The following EIF3E variants were observed in gnomAD, a reference collection of about 807,000 sequenced individuals.
EIF3E encodes the protein eukaryotic translation initiation factor 3 subunit E, also known as eIF-3 p48.
Under a neutral mutation model 59.3 loss-of-function variants are expected in EIF3E, and 25 were observed. The ratio of observed to expected loss-of-function variants is 0.42; its 90% confidence interval spans 0.31 to 0.59. The LOEUF (loss-of-function observed/expected upper bound fraction) is 0.59, where lower values mean the gene tolerates loss of function less well. Among genes scored for constraint, EIF3E ranks in the 20% least tolerant of loss-of-function variants. The pLI is 0.15. For missense variants in EIF3E, 317 were observed against 534.3 expected, an observed-to-expected ratio of 0.59 and a Z score of 4.01; for synonymous variants, 176 against 170.2, an observed-to-expected ratio of 1.03 and a Z score of -0.26.
intron 1 of EIF3E, among the ~76,000 whole-genome samples, chr8:108,245,338 G>C (rs1027114176): frequency 5.9e-5 from 9 of 152,030 alleles, no homozygotes; most frequent in Non-Finnish European, 8.8e-5. Flanking sequence ...ACATGGTGGC[G>C]CACACCTGTA....
intron 10 of EIF3E, among the ~76,000 whole-genome samples, chr8:108,211,375 G>A (rs527911189): frequency 6.6e-6 from 1 of 152,126 alleles, no homozygotes; most frequent in Non-Finnish European, 1.5e-5. Flanking sequence ...TCATATGTCT[G>A]TTGGCTGCAT....
rs78948636 is a variant in EIF3E, at chr8:108,217,604, G to C, written c.723-144C>G. The C allele has an allele frequency of 2.8e-3, 1,703 of 616,026 alleles. 39 individuals are homozygous for C. In the African/African-American group the frequency reaches 0.03, roughly 11 times the overall value. 38.2% of individuals were successfully genotyped at this position (616,026 alleles called of 1,614,324 possible). On this transcript the variant is annotated intron_variant, in intron 7 of 12. Coordinates refer to ENST00000220849, the MANE Select transcript of EIF3E (RefSeq NM_001568.3). The stretch of plus-strand genomic sequence containing the variant: ...AGTATTATAAGAAAATCTCCTCCAA[G>C]GAAATTTAAAAACAGAATCCAGTTT...
chr8:108,217,910 C>T (rs1054280829), intron 7 of EIF3E, among the ~76,000 whole-genome samples: 2 of 151,960 alleles, frequency 1.3e-5, no homozygotes, highest in Non-Finnish European at 1.5e-5. Flanking sequence ...CTGGAAGCAA[C>T]GGGGAAGGAA....
chr8:108,240,144 G>A, intron 2 of EIF3E, 69 bp from the exon 3 acceptor site: 3 of 1,296,424 alleles, frequency 2.3e-6, no homozygotes, highest in Non-Finnish European at 3.4e-6. Context: ...TCATGAGAAT[G>A]TCTGGAAATT....
intron 7 of EIF3E, among the ~76,000 whole-genome samples, chr8:108,221,185 G>A (rs1172089678): frequency 6.6e-6 from 1 of 152,142 alleles, no homozygotes; most frequent in Admixed American, 6.5e-5. Context: ...TTTTAGAGCA[G>A]GGTCTCATTC....
intron 1 of EIF3E, among the ~76,000 whole-genome samples, chr8:108,246,522 GT>G (rs1391811187): frequency 2.6e-4 from 40 of 152,106 alleles, no homozygotes; most frequent in African/African-American, 9.2e-4. Context: ...AGATGTCTGG[GT>G]TTTATCTTGG....
chr8:108,242,230 G>T, intron 1 of EIF3E: 1 of 1,300,840 alleles, frequency 7.7e-7, no homozygotes, highest in Non-Finnish European at 1.0e-6. Flanking sequence ...GCAAGGCTGT[G>T]TATAAATAAA....
chr8:108,216,271 C>T, intron 9 of EIF3E, 141 bp downstream of exon 9: 1 of 610,682 alleles, frequency 1.6e-6, no homozygotes, highest in Non-Finnish European at 2.8e-6. Flanking sequence ...TAAACATGAG[C>T]CATTTAGGCC....
chr8:108,215,452 A>C (rs1263542879), intron 9 of EIF3E, among the ~76,000 whole-genome samples: 1 of 151,984 alleles, frequency 6.6e-6, no homozygotes, highest in Non-Finnish European at 1.5e-5. Flanking sequence ...CCCTGTCTCT[A>C]CTAAAAATAC....
intron 4 of EIF3E, among the ~76,000 whole-genome samples, chr8:108,235,462 C>T (rs615524): frequency 0.18 from 27,849 of 152,190 alleles, 2,860 homozygotes; most frequent in Middle Eastern, 0.23. Context: ...GTTCGTGCTC[C>T]TATGAAAATC....
chr8:108,215,017 A>G (rs1399128636), intron 9 of EIF3E, among the ~76,000 whole-genome samples: 1 of 152,222 alleles, frequency 6.6e-6, no homozygotes, highest in Non-Finnish European at 1.5e-5. Flanking sequence ...TATCTCTTCC[A>G]ACTATTTAAA....
At chr8:108,217,079 T>G (rs1046580828) in intron 8 of EIF3E, among the ~76,000 whole-genome samples, 2 of 152,112 alleles carry the variant, frequency 1.3e-5, no homozygotes, top group Non-Finnish European at 2.9e-5. Flanking sequence ...GAGAAACACA[T>G]ACACATAATG....
At chr8:108,236,428 A>C (rs1476136361) in intron 3 of EIF3E, among the ~76,000 whole-genome samples, 1 of 152,206 alleles carries the variant, frequency 6.6e-6, no homozygotes, top group Non-Finnish European at 1.5e-5. Flanking sequence ...CTTTAGCCCT[A>C]ACTGAAAATT....
intron 10 of EIF3E, among the ~76,000 whole-genome samples, chr8:108,209,495 CAATAATTTGT>C (rs1217624947): frequency 2.0e-5 from 3 of 152,070 alleles, no homozygotes; most frequent in African/African-American, 7.2e-5. Context: ...CAAATATTTT[CAATAATTTGT>C]AACTTTATAT....
intron 3 of EIF3E, 66 bp from the exon 4 acceptor site, chr8:108,236,269 ACTT>A: frequency 7.8e-7 from 1 of 1,284,176 alleles, no homozygotes; most frequent in Admixed American, 2.0e-5. Context: ...AGCATATCCA[ACTT>A]CTAAGTTATT....
At chr8:108,245,285 G>A (rs1262374193) in intron 1 of EIF3E, among the ~76,000 whole-genome samples, 3 of 152,192 alleles carry the variant, frequency 2.0e-5, no homozygotes, top group Admixed American at 1.3e-4. Context: ...GGGTAACATG[G>A]TGAAACCCCA....
intron 10 of EIF3E, among the ~76,000 whole-genome samples, chr8:108,206,046 T>G (rs1015503123): frequency 2.0e-5 from 3 of 152,162 alleles, no homozygotes; most frequent in Non-Finnish European, 4.4e-5. Context: ...CCAAATTCCT[T>G]TCAACACTTT....
chr8:108,239,747 A>C (rs563863946), intron 3 of EIF3E, among the ~76,000 whole-genome samples: 1 of 152,322 alleles, frequency 6.6e-6, no homozygotes, highest in East Asian at 1.9e-4. Flanking sequence ...GTACTAAAGA[A>C]GTTTTTTTTA....
chr8:108,227,820 G>A (rs1415594719), intron 7 of EIF3E: 1 of 152,352 alleles, frequency 6.6e-6, no homozygotes. Context: ...TTCATAAGCA[G>A]TGAATTTCTC....
Sources: allele counts gnomAD v4.1 joint callset (sites outside exome capture counted in the v4.1 genomes callset), GRCh38; gene constraint gnomAD v4.1.1; transcripts MANE v1.5; gene names NCBI Gene and HGNC (gene_info 2026-07-23, HGNC 2026-07-21).